Variants in TYR observed in about 807,000 individuals in gnomAD.
The protein encoded by TYR is tyrosinase.
A neutral mutation model predicts 51.5 loss-of-function variants in TYR; 58 were observed. That is an observed-to-expected ratio of 1.13 (90% CI 0.91 to 1.40). The LOEUF is 1.40. Among genes scored for constraint, TYR ranks in the 40% most tolerant of loss-of-function variants. The probability of loss-of-function intolerance (pLI) is 0.00; values close to 1 mark genes in which losing one functional copy is unlikely to be tolerated. For synonymous variants in TYR, 263 were observed against 235.2 expected, an observed-to-expected ratio of 1.12 and a Z score of -1.08; for missense variants, 732 against 647.4, an observed-to-expected ratio of 1.13 and a Z score of -1.42.
chr11:89,179,562 A>G (rs1943273678), intron 1 of TYR, among the ~76,000 whole-genome samples: 1 of 151,178 alleles, frequency 6.6e-6, no homozygotes, highest in Non-Finnish European at 1.5e-5. Context: ...CAAAAAAAAA[A>G]TCACATTTAT....
intron 3 of TYR, among the ~76,000 whole-genome samples, chr11:89,262,846 C>CG (rs1186728580): frequency 2.9e-5 from 1 of 34,216 alleles, no homozygotes; most frequent in African/African-American, 3.0e-4. Context: ...AGCTACTCAT[C>CG]CAAAAAAAAA....
At chr11:89,272,393 T>TC in intron 3 of TYR, among the ~76,000 whole-genome samples, 1 of 150,738 alleles carries the variant, frequency 6.6e-6, no homozygotes, top group East Asian at 2.0e-4. Context: ...TTGAATGAAA[T>TC]CTTTTTTTTT....
At chr11:89,249,427 G>A (rs1258230623) in intron 3 of TYR, among the ~76,000 whole-genome samples, 2 of 141,286 alleles carry the variant, frequency 1.4e-5, no homozygotes, top group African/African-American at 5.4e-5. Context: ...TGACCAGTGA[G>A]GAAGCAGGAA....
intron 3 of TYR, among the ~76,000 whole-genome samples, chr11:89,278,648 G>A (rs879551020): frequency 6.6e-5 from 10 of 151,402 alleles, no homozygotes; most frequent in Non-Finnish European, 1.0e-4. Context: ...AAGATAGAAC[G>A]GAGAGTTCCT....
chr11:89,192,239 C>T (rs1271512534), intron 2 of TYR, among the ~76,000 whole-genome samples: 3 of 152,030 alleles, frequency 2.0e-5, no homozygotes, highest in Non-Finnish European at 4.4e-5. Flanking sequence ...CTGACTCAGT[C>T]ATGAAACCCA....
intron 4 of TYR, among the ~76,000 whole-genome samples, chr11:89,288,523 A>G (rs75915373): frequency 0.046 from 7,046 of 152,088 alleles, 549 homozygotes; most frequent in African/African-American, 0.16. Context: ...TCATATTAGA[A>G]GCTTGAAGGT....
intron 2 of TYR, among the ~76,000 whole-genome samples, chr11:89,210,281 T>G (rs1263175674): frequency 6.6e-6 from 1 of 152,184 alleles, no homozygotes; most frequent in East Asian, 1.9e-4. Context: ...TTAAATGACC[T>G]GCTGGAGCTG....
At chr11:89,203,828 G>T (rs1943632481) in intron 2 of TYR, among the ~76,000 whole-genome samples, 1 of 152,098 alleles carries the variant, frequency 6.6e-6, no homozygotes, top group Non-Finnish European at 1.5e-5. Context: ...ACAAAGAAAG[G>T]TGCAGAAAAG....
intron 1 of TYR, among the ~76,000 whole-genome samples, chr11:89,186,263 C>T (rs1157500798): frequency 1.4e-4 from 22 of 152,178 alleles, no homozygotes. Context: ...CACAATGCTC[C>T]ATGCTCAGAA....
chr11:89,207,114 T>C (rs1350458724), intron 2 of TYR, among the ~76,000 whole-genome samples: 1 of 149,082 alleles, frequency 6.7e-6, no homozygotes, highest in Non-Finnish European at 1.5e-5. Context: ...ATGAAGGAAA[T>C]AATAAAGATA....
chr11:89,280,706 T>G (rs1408201174), intron 3 of TYR, among the ~76,000 whole-genome samples: 2 of 151,410 alleles, frequency 1.3e-5, no homozygotes, highest in South Asian at 2.1e-4. Flanking sequence ...TCTCTTCAGA[T>G]TTTTTTTCTT....
At chr11:89,193,349 A>G (rs1013821591) in intron 2 of TYR, among the ~76,000 whole-genome samples, 2 of 152,040 alleles carry the variant, frequency 1.3e-5, no homozygotes, top group Admixed American at 6.6e-5. Flanking sequence ...AAGTGGCTCA[A>G]GATGTGTCAA....
At chr11:89,265,760 T>A (rs775134250) in intron 3 of TYR, among the ~76,000 whole-genome samples, 1 of 152,070 alleles carries the variant, frequency 6.6e-6, no homozygotes, top group Non-Finnish European at 1.5e-5. Flanking sequence ...TTAATAAAAA[T>A]AAAATAATCC....
chr11:89,232,226 A>G (rs1327708084), intron 3 of TYR, among the ~76,000 whole-genome samples: 1 of 143,174 alleles, frequency 7.0e-6, no homozygotes, highest in African/African-American at 2.8e-5. Context: ...GGCCACTACA[A>G]TAAAGTGAAT....
chr11:89,221,913 TG>T (rs1280004388), intron 2 of TYR, among the ~76,000 whole-genome samples: 2 of 152,234 alleles, frequency 1.3e-5, no homozygotes, highest in African/African-American at 4.8e-5. Context: ...TTAGCAGGTA[TG>T]ATTAAAGTGC....
At chr11:89,264,788 A>C (rs539235374) in intron 3 of TYR, among the ~76,000 whole-genome samples, 1 of 151,352 alleles carries the variant, frequency 6.6e-6, no homozygotes, top group East Asian at 2.0e-4. Context: ...AGGGACATGG[A>C]TGAGCAGTGT....
At chr11:89,275,169 G>A (rs1944637612) in intron 3 of TYR, among the ~76,000 whole-genome samples, 1 of 151,958 alleles carries the variant, frequency 6.6e-6, no homozygotes, top group South Asian at 2.1e-4. Context: ...TCACAACTGT[G>A]CCGTCACCCT....
chr11:89,283,230 C>G (rs1256553744), intron 3 of TYR, among the ~76,000 whole-genome samples: 2 of 151,812 alleles, frequency 1.3e-5, no homozygotes, highest in African/African-American at 4.8e-5. Flanking sequence ...AAATTCACAA[C>G]TGAAAACCAA....
At chr11:89,260,626 T>A (rs939897527) in intron 3 of TYR, among the ~76,000 whole-genome samples, 3 of 152,108 alleles carry the variant, frequency 2.0e-5, no homozygotes, top group African/African-American at 7.2e-5. Context: ...TAAAGAGCAC[T>A]GTGAAAGATA....
Sources: allele counts gnomAD v4.1 joint callset (sites outside exome capture counted in the v4.1 genomes callset), GRCh38; gene constraint gnomAD v4.1.1; transcripts MANE v1.5; gene names NCBI Gene and HGNC (gene_info 2026-07-23, HGNC 2026-07-21).